KIAA0586: variants seen among roughly 807,000 people sequenced by gnomAD.
The protein encoded by KIAA0586 is KIAA0586.
KIAA0586 carries 144 observed loss-of-function variants against 169.8 expected under a neutral mutation model. That is an observed-to-expected ratio of 0.85 (90% CI 0.74 to 0.97). The LOEUF (loss-of-function observed/expected upper bound fraction) is 0.97, where lower values mean the gene tolerates loss of function less well. KIAA0586 is among the 50% of genes least tolerant of loss of function. The probability of loss-of-function intolerance (pLI) is 0.00; values close to 1 mark genes in which losing one functional copy is unlikely to be tolerated. For missense variants in KIAA0586, 1,854 were observed against 1,823.0 expected, an observed-to-expected ratio of 1.02 and a Z score of -0.31; for synonymous variants, 625 against 612.4, an observed-to-expected ratio of 1.02 and a Z score of -0.30.
intron 10 of KIAA0586, among the ~76,000 whole-genome samples, chr14:58,457,184 G>T (rs1468804462): frequency 6.6e-6 from 1 of 152,212 alleles, no homozygotes; most frequent in Admixed American, 6.5e-5. Context: ...CTTCAGCAGA[G>T]AGAGAGAGCT....
rs549007767 is a variant in KIAA0586, at chr14:58,482,682, G to C, written c.3114G>C (p.Gly1038=). The C allele has an allele frequency of 6.3e-7, 1 of 1,574,904 alleles. No individual in the cohort carries two copies. The highest frequency in any genetic ancestry group is 8.6e-7 in the Non-Finnish European group (1 of 1,163,422). The change falls in exon 21 of 31, where the codon GGG becomes GGC. Residue 1038 remains glycine, a synonymous_variant. Transcript: ENST00000652326. ...KQGPVATGVS[G]DASTNETYLP... The stretch of plus-strand genomic sequence containing the variant: ...GTCCTGTTGCTACAGGTGTTTCTGG[G>C]GATGCTTCAACAAATGAAACATATT...
intron 22 of KIAA0586, among the ~76,000 whole-genome samples, 165 bp from the exon 23 acceptor site, chr14:58,487,722 T>C (rs1221593020): frequency 1.3e-5 from 2 of 152,166 alleles, no homozygotes. Context: ...ATTTAGGAAT[T>C]ATCACATTAA....
chr14:58,519,357 A>C (rs2045018219), intron 29 of KIAA0586, among the ~76,000 whole-genome samples: 1 of 152,148 alleles, frequency 6.6e-6, no homozygotes. Context: ...TTCCTGCCCC[A>C]GCTTCCATGT....
In KIAA0586 at chr14:58,550,594, T is replaced by C. The variant is rs1344846703; in HGVS notation, c.*2662T>C. ...GCTCATGCCTGTAATCCCAAGACTT[T>C]GGGAGGCCGAGGGTGGATCACTTGA... On this transcript the variant is annotated 3_prime_UTR_variant, in exon 31 of 31. Transcript: ENST00000652326. 1 of 151,974 alleles carries C rather than the reference T, an allele frequency of 6.6e-6. No individual in the cohort carries two copies. The highest frequency in any genetic ancestry group is 1.5e-5 in the Non-Finnish European group (1 of 68,050). 9.4% of individuals were successfully genotyped at this position (151,974 alleles called of 1,614,324 possible).
chr14:58,536,994 GT>G (rs202164236), intron 29 of KIAA0586: 31 of 1,235,854 alleles, frequency 2.5e-5, no homozygotes, highest in Middle Eastern at 2.2e-4. Context: ...CCAGTATTAT[GT>G]TTTTTTTTCA....
intron 19 of KIAA0586, among the ~76,000 whole-genome samples, chr14:58,475,761 A>G (rs2041566730): frequency 6.6e-6 from 1 of 152,220 alleles, no homozygotes; most frequent in Non-Finnish European, 1.5e-5. Context: ...ATATAAACAA[A>G]GCAGGATACT....
chr14:58,503,433 G>A (rs544300722), intron 27 of KIAA0586, among the ~76,000 whole-genome samples: 1 of 152,220 alleles, frequency 6.6e-6, no homozygotes, highest in African/African-American at 2.4e-5. Context: ...TAGCCAGATG[G>A]TAAATTATGA....
the KIAA0586 span, among the ~76,000 whole-genome samples, chr14:58,558,332 A>G: frequency 3.0e-4 from 45 of 152,260 alleles, no homozygotes; most frequent in Admixed American, 6.5e-4. Flanking sequence ...GTCATTTCAA[A>G]TTTTGTAGAT....
chr14:58,521,982 T>G (rs1020791497), intron 29 of KIAA0586: 1 of 1,325,138 alleles, frequency 7.5e-7, no homozygotes, highest in East Asian at 2.3e-5. Flanking sequence ...ATGGCGAAGA[T>G]AACTCTTAAG....
At chr14:58,517,055 G>A (rs2044819524) in intron 29 of KIAA0586, among the ~76,000 whole-genome samples, 1 of 152,108 alleles carries the variant, frequency 6.6e-6, no homozygotes. Context: ...AGAAAATATA[G>A]GAGAAAATGT....
intron 5 of KIAA0586, among the ~76,000 whole-genome samples, 157 bp from the exon 6 acceptor site, chr14:58,443,797 C>T (rs1178046282): frequency 6.6e-6 from 1 of 151,990 alleles, no homozygotes; most frequent in Non-Finnish European, 1.5e-5. Context: ...TTCTGTGACT[C>T]TAAAAATAAA....
chr14:58,505,731 T>C (rs1177570727), intron 27 of KIAA0586, among the ~76,000 whole-genome samples: 1 of 152,116 alleles, frequency 6.6e-6, no homozygotes, highest in African/African-American at 2.4e-5. Flanking sequence ...CATTTGTATG[T>C]GCTCCTATAA....
chr14:58,444,970 G>A (rs1417145687), intron 6 of KIAA0586, among the ~76,000 whole-genome samples: 2 of 146,634 alleles, frequency 1.4e-5, no homozygotes, highest in African/African-American at 5.0e-5. Context: ...GCATGTGCCT[G>A]TAGTCCCAGA....
At chr14:58,547,665 A>C in intron 30 of KIAA0586, 116 bp from the exon 31 acceptor site, 55 of 849,414 alleles carry the variant, frequency 6.5e-5, no homozygotes, top group East Asian at 1.7e-4. Context: ...CTTGTAGGCA[A>C]TCCTTATTTG....
intron 29 of KIAA0586, among the ~76,000 whole-genome samples, chr14:58,531,339 A>AAT (rs1945581761): frequency 6.9e-6 from 1 of 145,158 alleles, no homozygotes; most frequent in Admixed American, 6.7e-5. Flanking sequence ...AAAAAAAAAA[A>AAT]AATAAAATAA....
At position 58,444,897 on chromosome 14, in the gene KIAA0586, C is replaced by T. The variant is rs114640741; in HGVS notation, c.807+722C>T. Among the ~76,000 whole-genome samples, 446 of 122,462 alleles carry T rather than the reference C, an allele frequency of 3.6e-3. 4 individuals carry two copies. The highest frequency in any genetic ancestry group is 0.014 in the African/African-American group (425 of 31,206). The allele number at this position is 122,462 out of a possible 152,430, so 80.3% of individuals were successfully genotyped here. On this transcript the variant is annotated intron_variant, in intron 6 of 30. Coordinates refer to ENST00000652326, the MANE Select transcript of KIAA0586 (RefSeq NM_001329943.3). Reference sequence around the variant, plus strand: ...TTCAAGATAAGCCTGGTTGATGTAGCAAGACCTCATCTCTTAGGAAAAAAA... The same window carrying T: ...TTCAAGATAAGCCTGGTTGATGTAGTAAGACCTCATCTCTTAGGAAAAAAA...
At chr14:58,536,098 AT>A (rs1056074551) in intron 29 of KIAA0586, among the ~76,000 whole-genome samples, 1 of 152,108 alleles carries the variant, frequency 6.6e-6, no homozygotes, top group African/African-American at 2.4e-5. Context: ...CCAAATTTCA[AT>A]TTTTTAAAAA....
intron 22 of KIAA0586, among the ~76,000 whole-genome samples, chr14:58,487,477 G>A (rs1056663475): frequency 9.2e-5 from 14 of 151,932 alleles, no homozygotes; most frequent in Admixed American, 5.2e-4. Flanking sequence ...GTGTTGGCAC[G>A]TGCCTGTAAT....
In KIAA0586 at chr14:58,453,383, A is replaced by G; in HGVS notation, c.1163A>G (p.Asn388Ser). Reference protein sequence around the residue: ...NVRLLEQILNNNDSLTRKSES... With the variant: ...NVRLLEQILNSNDSLTRKSES... The stretch of plus-strand genomic sequence containing the variant: ...AGACTATTGGAACAAATTTTGAATA[A>G]TAATGATTCTTTGACAAGAAAAAGT... Residue 388 changes from asparagine (N) to serine (S), a missense_variant, in exon 9 of 31, where the codon AAT becomes AGT. Asn to Ser is a conservative substitution (Grantham distance 46, BLOSUM62 1). Transcript: ENST00000652326. 3 of 1,415,598 alleles carry G rather than the reference A, an allele frequency of 2.1e-6. No homozygotes were observed. The highest frequency in any genetic ancestry group is 1.8e-4 in the Middle Eastern group (1 of 5,446). 87.7% of individuals were successfully genotyped at this position (1,415,598 alleles called of 1,614,324 possible).
Sources: gnomAD v4.1 joint callset for allele counts (sites outside exome capture counted in the v4.1 genomes callset) on GRCh38, gnomAD v4.1.1 for gene constraint, MANE v1.5 for transcripts, NCBI Gene and HGNC (gene_info 2026-07-23, HGNC 2026-07-21) for gene names.